Variants in CGGBP1 observed in about 807,000 individuals in gnomAD.
The protein encoded by CGGBP1 is CGG triplet repeat-binding protein 1.
Under a neutral mutation model 11.4 loss-of-function variants are expected in CGGBP1, and 4 were observed. The ratio of observed to expected loss-of-function variants is 0.35; its 90% confidence interval spans 0.17 to 0.80. The LOEUF (loss-of-function observed/expected upper bound fraction) is 0.80, where lower values mean the gene tolerates loss of function less well. CGGBP1 is among the 30% of genes least tolerant of loss of function. CGGBP1 has a pLI of 0.52. For missense variants in CGGBP1, 135 were observed against 202.1 expected, an observed-to-expected ratio of 0.67 and a Z score of 2.01; for synonymous variants, 76 against 74.1, an observed-to-expected ratio of 1.03 and a Z score of -0.13.
intron 2 of CGGBP1, among the ~76,000 whole-genome samples, chr3:88,096,852 T>C (rs145080236): frequency 6.6e-6 from 1 of 152,236 alleles, no homozygotes; most frequent in East Asian, 1.9e-4. Context: ...AGTGTACTTA[T>C]TTTCATGAGT....
chr3:88,055,901 G>A lies in CGGBP1; in HGVS notation c.76C>T (p.Arg26Ter). Reference protein sequence around the residue: ...KTALYVTPLDRVTEFGGELHE... With the variant: ...KTALYVTPLD The stretch of plus-strand genomic sequence containing the variant: ...AGCTCACCTCCAAACTCAGTGACTC[G>A]ATCCAGGGGAGTCACATACAAAGCA... The change falls in exon 4 of 4, where the codon CGA becomes TGA. Residue 26 changes from arginine to a stop codon, truncating the protein, a stop_gained. Coordinates refer to ENST00000482016, the MANE Select transcript of CGGBP1 (RefSeq NM_001008390.2). LOFTEE classifies it high-confidence loss of function. The surrounding 1 kb of genome is among the most constrained non-coding windows in gnomAD (Gnocchi z 4.2). The A allele has an allele frequency of 6.2e-7, 1 of 1,614,102 alleles. No individual in the cohort carries two copies. Among genetic ancestry groups the A allele is most frequent in the Non-Finnish European group, 8.5e-7 (1 of 1,180,000 alleles).
At chr3:88,099,261 A>C (rs1216041855) in intron 2 of CGGBP1, among the ~76,000 whole-genome samples, 1 of 152,224 alleles carries the variant, frequency 6.6e-6, no homozygotes, top group Non-Finnish European at 1.5e-5. Context: ...ATACCTAGGA[A>C]TCCAACTTAC....
At chr3:88,143,281 A>G (rs972446251) in intron 1 of CGGBP1, 14 of 152,214 alleles carry the variant, frequency 9.2e-5, no homozygotes, top group Admixed American at 2.6e-4. Flanking sequence ...CTACTATGCA[A>G]TGATGGTCAT....
intron 2 of CGGBP1, among the ~76,000 whole-genome samples, chr3:88,124,459 C>T (rs1180496851): frequency 6.6e-6 from 1 of 152,174 alleles, no homozygotes; most frequent in East Asian, 1.9e-4. Context: ...TCTTCTACTA[C>T]TTTCTTCTCT....
intron 2 of CGGBP1, among the ~76,000 whole-genome samples, chr3:88,129,341 A>AC (rs1463550769): frequency 6.6e-6 from 1 of 151,020 alleles, no homozygotes; most frequent in African/African-American, 2.4e-5. Context: ...AAAAAAAAAA[A>AC]AAAACCCAAG....
chr3:88,094,831 A>G (rs1379088176), intron 2 of CGGBP1, among the ~76,000 whole-genome samples: 1 of 152,028 alleles, frequency 6.6e-6, no homozygotes, highest in East Asian at 1.9e-4. Flanking sequence ...TTTGATTTAT[A>G]GAACTAGACT....
intron 2 of CGGBP1, among the ~76,000 whole-genome samples, chr3:88,092,481 G>A (rs1460772404): frequency 2.0e-5 from 3 of 152,118 alleles, no homozygotes; most frequent in Non-Finnish European, 4.4e-5. Flanking sequence ...AATGTGCTGG[G>A]TGAGCTAACT....
chr3:88,058,843 G>A lies in CGGBP1; in HGVS notation c.-359C>T, dbSNP rs1278865016. 1 of 155,776 alleles carries A rather than the reference G, an allele frequency of 6.4e-6. No homozygotes were observed. Among genetic ancestry groups the A allele is most frequent in the Non-Finnish European group, 1.4e-5 (1 of 70,374 alleles). 9.6% of individuals were successfully genotyped at this position (155,776 alleles called of 1,614,324 possible). A position where few individuals can be genotyped will look rare whatever the true frequency, so the allele number is the denominator to read the frequency against. ...AGGATCGAGGCCGCCGTTAGGGAAA[G>A]TGGACGAGGCCCGGCCGGAAAGGAA... is the stretch of plus-strand genomic sequence containing the variant. On this transcript the variant is annotated 5_prime_UTR_variant, in exon 1 of 4. Transcript: ENST00000482016.
intron 1 of CGGBP1, among the ~76,000 whole-genome samples, chr3:88,148,214 T>G (rs1202158766): frequency 3.3e-5 from 5 of 152,216 alleles, no homozygotes; most frequent in African/African-American, 1.2e-4. Flanking sequence ...CCATAGCATC[T>G]CCTGGCCGAC....
rs569657662 is a variant in CGGBP1 at position 88,077,749 on chromosome 3, A to G, written c.-228-19526T>C. On this transcript the variant is annotated intron_variant, in intron 2 of 3. Coordinates refer to the CGGBP1 transcript ENST00000462901. ...TTTAACAGAATATTTTAAAAACTGA[A>G]GAAGTCACAACTGATTTTAAATATT... 2.2e-4 allele frequency among the ~76,000 whole-genome samples: 33 copies of G among 152,336 alleles called. No individual in the cohort carries two copies. The South Asian group carries it at 6.4e-3, about 30-fold the overall frequency.
At chr3:88,074,125 A>G (rs1707667268) in intron 2 of CGGBP1, among the ~76,000 whole-genome samples, 1 of 152,164 alleles carries the variant, frequency 6.6e-6, no homozygotes, top group Non-Finnish European at 1.5e-5. Flanking sequence ...TTCACAAAGA[A>G]AAATTAAAGT....
At chr3:88,139,508 C>T (rs1045631981) in intron 2 of CGGBP1, 2 of 1,613,394 alleles carry the variant, frequency 1.2e-6, no homozygotes, top group Non-Finnish European at 1.7e-6. Context: ...ATCAGGAAGT[C>T]ACTGCTTTGG....
At chr3:88,064,101 A>G (rs944405642) in intron 2 of CGGBP1, among the ~76,000 whole-genome samples, 9 of 114,754 alleles carry the variant, frequency 7.8e-5, no homozygotes, top group African/African-American at 1.2e-4. Flanking sequence ...TTGAATAACG[A>G]GCTTCTTCTT....
intron 2 of CGGBP1, among the ~76,000 whole-genome samples, chr3:88,100,430 G>C (rs574920877): frequency 2.0e-5 from 3 of 152,218 alleles, no homozygotes; most frequent in Admixed American, 6.6e-5. Flanking sequence ...CCTCAGGGAT[G>C]TAGAACTAGA....
At chr3:88,058,436 C>G (rs1360040270) in intron 1 of CGGBP1, among the ~76,000 whole-genome samples, 1 of 152,194 alleles carries the variant, frequency 6.6e-6, no homozygotes, top group East Asian at 1.9e-4. Context: ...CTCCAGCTCC[C>G]CAGGCCCGGG....
chr3:88,061,937 C>T (rs1379731624), upstream of CGGBP1, among the ~76,000 whole-genome samples: 1 of 152,056 alleles, frequency 6.6e-6, no homozygotes, highest in Admixed American at 6.5e-5. Context: ...GGTTTATCTT[C>T]CTCTTTTTAG....
At chr3:88,088,617 G>A (rs1708460631) in intron 2 of CGGBP1, among the ~76,000 whole-genome samples, 2 of 152,222 alleles carry the variant, frequency 1.3e-5, no homozygotes, top group South Asian at 2.1e-4. Context: ...AAATTTAAAT[G>A]TGTGTGTGTA....
chr3:88,056,054 G>A, intron 3 of CGGBP1, 55 bp from the exon 4 acceptor site: 1 of 1,327,116 alleles, frequency 7.5e-7, no homozygotes. Context: ...CATTCTGGAA[G>A]TAATGAACAA....
intron 2 of CGGBP1, among the ~76,000 whole-genome samples, chr3:88,105,284 T>G (rs1010275986): frequency 1.8e-5 from 1 of 55,954 alleles, no homozygotes; most frequent in Non-Finnish European, 5.5e-5. Context: ...TTTTCCACCC[T>G]GCTTTTTTTT....
Sources: gnomAD v4.1 joint callset for allele counts (sites outside exome capture counted in the v4.1 genomes callset) on GRCh38, gnomAD v4.1.1 for gene constraint, Gnocchi (gnomAD v3.1) non-coding constraint, MANE v1.5 for transcripts, NCBI Gene and HGNC (gene_info 2026-07-23, HGNC 2026-07-21) for gene names.